TTN: variants seen among roughly 807,000 people sequenced by gnomAD.
TTN encodes titin, also known as connectin.
Under a neutral mutation model 3,223.0 loss-of-function variants are expected in TTN, and 1,525 were observed. The ratio of observed to expected loss-of-function variants is 0.47; its 90% CI spans 0.45 to 0.49. TTN has a LOEUF of 0.49. TTN is among the 20% of genes least tolerant of loss of function. The pLI is 0.00. For missense variants in TTN, 40,786 were observed against 43,424.0 expected (o/e 0.94, Z 5.40); for synonymous variants, 14,094 against 15,161.0 (o/e 0.93, Z 5.17).
Position 178,577,675 on chromosome 2 carries a change from T to C in TTN, c.68751A>G (p.Arg22917=), listed in dbSNP as rs765193100. 6.2e-7 allele frequency: 1 copy of C among 1,613,342 alleles called. No individual in the cohort carries two copies. The highest frequency in any genetic ancestry group is 1.1e-5 in the South Asian group (1 of 91,038). Residue 22917 remains arginine, a synonymous_variant, in exon 323 of 363, where the codon AGA becomes AGG. Coordinates refer to ENST00000589042, the MANE Select transcript of TTN (RefSeq NM_001267550.2). The stretch of plus-strand genomic sequence containing the variant: ...TGATAGCACCTGCTGTATTCTTTGC[T>C]CTAATTCTGAATTCATATTTTCCAC... ...VEGGKYEFRI[R]AKNTAGAISA...
chr2:178,640,576 G>C lies in TTN; in HGVS notation c.40688C>G (p.Thr13563Arg), dbSNP rs780572853. The C allele has an allele frequency of 1.9e-6, 3 of 1,599,658 alleles. No individual in the cohort carries two copies. The highest frequency in any genetic ancestry group is 2.7e-5 in the African/African-American group (2 of 73,540). The change falls in exon 221 of 363, where the codon ACA becomes AGA. Residue 13563 changes from threonine to arginine, a missense_variant. Transcript: ENST00000589042. ...TTCAGGAATCTTCCTTTCCCTTTTT[G>C]TAACAGTAGGTACTTCAACCTCTTC... ...PVEEVEVPTVTKRERKIPEPT... is the reference protein window; with the variant it reads ...PVEEVEVPTVRKRERKIPEPT...
chr2:178,731,368 A>T lies in TTN; in HGVS notation c.17398T>A (p.Tyr5800Asn). 1.9e-6 allele frequency: 3 copies of T among 1,613,774 alleles called. No homozygotes were observed. Among genetic ancestry groups the T allele is most frequent in the Non-Finnish European group, 1.7e-6 (2 of 1,179,768 alleles). Reference sequence around the variant, plus strand: ...GCATCATTTTTGGCCTGACAGACATATTTCCCATCATGCTTGACTTCAATG... The same window carrying T: ...GCATCATTTTTGGCCTGACAGACATTTTTCCCATCATGCTTGACTTCAATG... The part of the protein sequence containing the change: ...SGIEVKHDGK[Y>N]VCQAKNDAGI... Residue 5800 changes from tyrosine to asparagine, a missense_variant, in exon 59 of 363, where the codon TAT (tyrosine) becomes AAT (asparagine). Coordinates refer to ENST00000589042, the MANE Select transcript of TTN (RefSeq NM_001267550.2).
Position 178,741,757 on chromosome 2 carries a change from C to A in TTN, c.11476G>T (p.Val3826Leu), listed in dbSNP as rs1285885042. ...EGTGPIFIKE[V>L]SNADISMGDV... Reference sequence around the variant, plus strand: ...CCCATGCTTATATCAGCATTTGACACTTCTTTGATGAAAATTGGGCCAGTG... The same window carrying A: ...CCCATGCTTATATCAGCATTTGACAATTCTTTGATGAAAATTGGGCCAGTG... The change falls in exon 48 of 363, where the codon GTG becomes TTG. Residue 3826 changes from valine to leucine, a missense_variant. Transcript: ENST00000589042. 1.2e-6 allele frequency: 2 copies of A among 1,613,640 alleles called. No homozygotes were observed. Among genetic ancestry groups the A allele is most frequent in the East Asian group, 4.5e-5 (2 of 44,808 alleles).
In TTN at chr2:178,728,085, C is replaced by T. The variant is rs573080157; in HGVS notation, c.19714+25G>A. On this transcript the variant is annotated intron_variant, in intron 67 of 362. Coordinates refer to ENST00000589042, the MANE Select transcript of TTN (RefSeq NM_001267550.2). ...TTAAGAAGCATTCGCAAGGAAGAAT[C>T]AAGAAGAGGTAAAGAAATTCTAACC... is the stretch of plus-strand genomic sequence containing the variant. The T allele has an allele frequency of 2.1e-5, 32 of 1,528,704 alleles. 1 individual carries two copies. The South Asian group carries it at 4.3e-4, about 20-fold the overall frequency. The allele number at this position is 1,528,704 out of a possible 1,614,324, so 94.7% of individuals were successfully genotyped here.
rs1342869441 is a variant in TTN at position 178,570,165 on chromosome 2, C to A, written c.75967G>T (p.Val25323Phe). Residue 25323 changes from valine to phenylalanine, a missense_variant, in exon 326 of 363, where the codon GTT becomes TTT. Coordinates refer to ENST00000589042, the MANE Select transcript of TTN (RefSeq NM_001267550.2). ...VTTVTKDSMIVVWERPASDGG... is the reference protein window; with the variant it reads ...VTTVTKDSMIFVWERPASDGG... ...TCAGATGCTGGTCTTTCCCATACAA[C>A]AATCATTGAGTCCTTGGTCACTGTT... 1 of 1,613,520 alleles carries A rather than the reference C, an allele frequency of 6.2e-7. No individual in the cohort carries two copies. The highest frequency in any genetic ancestry group is 1.1e-5 in the South Asian group (1 of 91,072).
intron 15 of TTN, 69 bp downstream of exon 15, chr2:178,785,551 T>A: frequency 6.2e-7 from 1 of 1,607,246 alleles, no homozygotes; most frequent in Non-Finnish European, 8.5e-7. Flanking sequence ...ACCCCAGAGA[T>A]GCTCTGTTTC....
intron 259 of TTN, 38 bp from the exon 260 acceptor site, chr2:178,615,006 C>A (rs558464677): frequency 6.5e-7 from 1 of 1,538,044 alleles, no homozygotes; most frequent in Non-Finnish European, 8.9e-7. Flanking sequence ...ACTGTGATGT[C>A]GATAATCGTT....
rs1486496070 is a variant in TTN, at chr2:178,722,598, C to T, written c.22241-52G>A. ...GTGTTAGGAGATGAAATGAGAAGTTCACCATAAAGATACAAGAGTTAAGGA... is the reference window on the plus strand; with the variant it reads ...GTGTTAGGAGATGAAATGAGAAGTTTACCATAAAGATACAAGAGTTAAGGA... On this transcript the variant is annotated intron_variant, in intron 76 of 362. Coordinates refer to ENST00000589042, the MANE Select transcript of TTN (RefSeq NM_001267550.2). The T allele has an allele frequency of 1.0e-5, 16 of 1,589,296 alleles. No individual in the cohort carries two copies. In the Admixed American group the frequency reaches 2.8e-4, roughly 28 times the overall value.
intron 162 of TTN, 28 bp from the exon 163 acceptor site, chr2:178,666,929 T>C (rs993192871): frequency 3.4e-6 from 5 of 1,491,140 alleles, no homozygotes; most frequent in African/African-American, 1.4e-5. Context: ...TTTTTTTTAA[T>C]TGAGAAAAGG....
chr2:178,584,174 A>G, intron 311 of TTN, 102 bp downstream of exon 311: 9 of 1,330,006 alleles, frequency 6.8e-6, no homozygotes, highest in Non-Finnish European at 9.2e-6. Flanking sequence ...TCAGATCTCT[A>G]CTACTCTCTG....
intron 247 of TTN, 43 bp downstream of exon 247, chr2:178,620,672 A>G (rs1458666518): frequency 6.2e-7 from 1 of 1,604,764 alleles, no homozygotes; most frequent in Non-Finnish European, 8.5e-7. Context: ...TTTTTATAAC[A>G]GAAACTGATG....
At position 178,647,040 on chromosome 2, in the gene TTN, G is replaced by GTA. The variant is rs10580462; in HGVS notation, c.40222+22_40222+23dup. 0.054 allele frequency: 38,812 copies of GTA among 720,988 alleles called. 285 individuals carry two copies. Among genetic ancestry groups the GTA allele is most frequent in the Middle Eastern group, 0.06 (127 of 2,112 alleles). 44.7% of individuals were successfully genotyped at this position (720,988 alleles called of 1,614,324 possible). On this transcript the variant is annotated intron_variant, in intron 215 of 362. Transcript: ENST00000589042. ...GGAATCTTCAGGAGATTAAAAAAAT[G>GTA]TATATATATATATATATATATACCT...
Position 178,649,328 on chromosome 2 carries a change from G to A in TTN, c.39977C>T (p.Pro13326Leu). Reference protein sequence around the residue: ...KKPETPAAKVPEVPKKLVPVK... With the variant: ...KKPETPAAKVLEVPKKLVPVK... ...TGGAACAAGTTTCTTGGGCACCTCA[G>A]GCACTTTGAAGATATTAGTTTTGTT... The change falls in exon 213 of 363, where the codon CCT becomes CTT. Residue 13326 changes from proline to leucine, a missense_variant. Physicochemically the swap from Pro to Leu is moderately conservative, Grantham distance 98. Coordinates refer to ENST00000589042, the MANE Select transcript of TTN (RefSeq NM_001267550.2). 1.4e-6 allele frequency: 2 copies of A among 1,455,482 alleles called. No individual in the cohort carries two copies. The highest frequency in any genetic ancestry group is 1.8e-6 in the Non-Finnish European group (2 of 1,111,242). The allele number at this position is 1,455,482 out of a possible 1,614,324, so 90.2% of individuals were successfully genotyped here. A position where few individuals can be genotyped will look rare whatever the true frequency, so the allele number is the denominator to read the frequency against.
chr2:178,547,080 C>G lies in TTN; in HGVS notation c.94445G>C (p.Arg31482Thr). The stretch of plus-strand genomic sequence containing the variant: ...ACCTGCAGCATTGAGTGCATAAGTT[C>G]TGAACTGATATTCCAGTCCTTCTAC... ...GLVEGLEYQF[R>T]TYALNAAGVS... Residue 31482 changes from arginine (R) to threonine (T), a missense_variant, in exon 340 of 363, where the codon AGA (arginine) becomes ACA (threonine). Physicochemically the swap from Arg to Thr is moderately conservative, Grantham distance 71. Transcript: ENST00000589042. 1 of 1,613,830 alleles carries G rather than the reference C, an allele frequency of 6.2e-7. No individual in the cohort carries two copies. Among genetic ancestry groups the G allele is most frequent in the Non-Finnish European group, 8.5e-7 (1 of 1,179,752 alleles).
At chr2:178,694,995 T>C in intron 115 of TTN, 89 bp from the exon 116 acceptor site, 1 of 897,832 alleles carries the variant, frequency 1.1e-6, no homozygotes, top group Non-Finnish European at 1.7e-6. Context: ...TGTATATGTG[T>C]TTATACACAC....
intron 217 of TTN, 54 bp downstream of exon 217, chr2:178,645,866 G>T: frequency 8.8e-7 from 1 of 1,133,528 alleles, no homozygotes; most frequent in Non-Finnish European, 1.2e-6. Flanking sequence ...ATTTCAGATG[G>T]CTGGATAGAA....
rs1404065762 is a variant in TTN, at chr2:178,531,024, G to T, written c.105591C>A (p.Gly35197=). 2 of 1,613,822 alleles carry T rather than the reference G, an allele frequency of 1.2e-6. No homozygotes were observed. Among genetic ancestry groups the T allele is most frequent in the Non-Finnish European group, 1.7e-6 (2 of 1,179,868 alleles). ...TGTTTTCTACCACCACGCTGTAATT[G>T]CCCTCATCGGAAGCCTGGACTGAAG... ...EISSVQASDE[G]NYSVVVENSE... Residue 35197 remains glycine (G), a synonymous_variant, in exon 358 of 363, where the codon GGC becomes GGA. Transcript: ENST00000589042.
intron 46 of TTN, 66 bp downstream of exon 46, chr2:178,756,156 T>A (rs1244021528): frequency 8.4e-7 from 1 of 1,191,840 alleles, no homozygotes; most frequent in South Asian, 1.5e-5. Flanking sequence ...TGAATTTGCA[T>A]GGCAGAAAAG....
At position 178,611,131 on chromosome 2, in the gene TTN, T is replaced by TATC. The variant is rs1413836585; in HGVS notation, c.50995_50997dup (p.Asp16999dup). 3.2e-5 allele frequency: 52 copies of TATC among 1,612,742 alleles called. No homozygotes were observed. Among genetic ancestry groups the TATC allele is most frequent in the Non-Finnish European group, 4.0e-5 (47 of 1,179,228 alleles). On this transcript the variant is annotated inframe_insertion, in exon 270 of 363. Coordinates refer to ENST00000589042, the MANE Select transcript of TTN (RefSeq NM_001267550.2). ...ATGTGATCATTCTTCATTGTTAATC[T>TATC]ATCACTTGCTTTAACTTCTTTGCCA...
Sources: allele counts gnomAD v4.1 joint callset, GRCh38; gene constraint gnomAD v4.1.1; transcripts MANE v1.5; gene names NCBI Gene and HGNC (gene_info 2026-07-23, HGNC 2026-07-21).